Variants in YAP1 observed in about 807,000 individuals in gnomAD.
The protein encoded by YAP1 is Yes1 associated transcriptional regulator.
In YAP1, 5 loss-of-function variants were observed where a neutral mutation model predicts 56.9. The ratio of observed to expected loss-of-function variants is 0.09; its 90% CI spans 0.05 to 0.18. The LOEUF (loss-of-function observed/expected upper bound fraction) is 0.18. Ranked by LOEUF, YAP1 falls within the 10% of genes least tolerant of loss-of-function variation. The probability of loss-of-function intolerance (pLI) is 1.00; values close to 1 mark genes in which losing one functional copy is unlikely to be tolerated. For synonymous variants in YAP1, 265 were observed against 248.1 expected (o/e 1.07, Z -0.64); for missense variants, 539 against 651.8 (o/e 0.83, Z 1.88).
At chr11:102,228,808 G>A (rs1006559756) in intron 8 of YAP1, among the ~76,000 whole-genome samples, 1 of 152,092 alleles carries the variant, frequency 6.6e-6, no homozygotes, top group Non-Finnish European at 1.5e-5. Flanking sequence ...AAATGAAGCT[G>A]TTCTTTAGCT....
intron 2 of YAP1, among the ~76,000 whole-genome samples, chr11:102,124,056 A>C (rs1024527504): frequency 6.6e-6 from 1 of 151,492 alleles, no homozygotes; most frequent in South Asian, 2.1e-4. Context: ...GGTTCAAGCG[A>C]TTCTCCTGCC....
At chr11:102,164,101 G>C (rs1946455366) in intron 3 of YAP1, among the ~76,000 whole-genome samples, 1 of 150,684 alleles carries the variant, frequency 6.6e-6, no homozygotes, top group Non-Finnish European at 1.5e-5. Context: ...GCAATGGCAT[G>C]GTCTCAGCTC....
intron 3 of YAP1, among the ~76,000 whole-genome samples, chr11:102,168,580 G>T (rs1183385128): frequency 6.6e-6 from 1 of 152,180 alleles, no homozygotes; most frequent in Non-Finnish European, 1.5e-5. Context: ...ATGAAAAACT[G>T]TGAGGATTTC....
intron 4 of YAP1, among the ~76,000 whole-genome samples, chr11:102,194,739 G>T (rs1483335280): frequency 3.3e-5 from 5 of 152,040 alleles, no homozygotes; most frequent in African/African-American, 9.7e-5. Flanking sequence ...ACCAGTTTTT[G>T]TGTTTTTCAG....
intron 3 of YAP1, among the ~76,000 whole-genome samples, chr11:102,176,999 A>G (rs934608166): frequency 2.6e-5 from 4 of 152,252 alleles, no homozygotes; most frequent in African/African-American, 9.6e-5. Flanking sequence ...AAGAAACTAT[A>G]TGTAGACAAG....
rs1319669560 is a variant in YAP1, at chr11:102,110,855, C to T, written c.7C>T (p.Pro3Ser). MD[P>S]GQQPPPQPAP... ...GTCGGGGGAGGCAGAAGCCATGGAT[C>T]CCGGGCAGCAGCCGCCGCCTCAACC... Residue 3 changes from proline (P) to serine (S), a missense_variant, in exon 1 of 9, where the codon CCC (proline) becomes TCC (serine). Transcript: ENST00000282441. The T allele has an allele frequency of 1.4e-6, 2 of 1,410,510 alleles. No individual in the cohort carries two copies. The highest frequency in any genetic ancestry group is 1.8e-6 in the Non-Finnish European group (2 of 1,081,598). The allele number at this position is 1,410,510 out of a possible 1,614,324, so 87.4% of individuals were successfully genotyped here.
intron 2 of YAP1, among the ~76,000 whole-genome samples, chr11:102,126,521 G>A (rs564182586): frequency 4.6e-5 from 7 of 152,222 alleles, no homozygotes; most frequent in African/African-American, 9.6e-5. Context: ...TCTTGCCCCC[G>A]CCATGTAAGA....
chr11:102,215,330 A>C (rs912231985), intron 6 of YAP1, among the ~76,000 whole-genome samples: 3 of 151,984 alleles, frequency 2.0e-5, no homozygotes, highest in Non-Finnish European at 4.4e-5. Context: ...ATTGATTACC[A>C]CCCTCCCTGC....
intron 4 of YAP1, chr11:102,186,432 T>G: frequency 3.2e-6 from 1 of 311,384 alleles, no homozygotes; most frequent in Non-Finnish European, 6.0e-6. Flanking sequence ...GTTTTTAAAA[T>G]GTTTTTTTTT....
chr11:102,177,563 G>A (rs575089108), intron 3 of YAP1, among the ~76,000 whole-genome samples: 1 of 151,990 alleles, frequency 6.6e-6, no homozygotes, highest in South Asian at 2.1e-4. Flanking sequence ...TGTAATCCCA[G>A]CTACTCAGGA....
At chr11:102,144,501 C>T (rs57102842) in intron 2 of YAP1, among the ~76,000 whole-genome samples, 1 of 152,106 alleles carries the variant, frequency 6.6e-6, no homozygotes, top group African/African-American at 2.4e-5. Flanking sequence ...GAATAAGCTT[C>T]TGCTTTCAGG....
intron 7 of YAP1, among the ~76,000 whole-genome samples, chr11:102,226,506 C>A (rs148811084): frequency 6.6e-6 from 1 of 152,204 alleles, no homozygotes; most frequent in Non-Finnish European, 1.5e-5. Context: ...CACACTCACA[C>A]AGACCATTGA....
intron 6 of YAP1, among the ~76,000 whole-genome samples, chr11:102,223,253 C>CAAAAA (rs1013718662): frequency 3.8e-5 from 2 of 52,400 alleles, no homozygotes; most frequent in African/African-American, 1.3e-4. Flanking sequence ...TCTTGAAGAA[C>CAAAAA]AAAAAAAAAA....
chr11:102,125,749 G>A (rs957230500), intron 2 of YAP1, among the ~76,000 whole-genome samples: 1 of 151,896 alleles, frequency 6.6e-6, no homozygotes, highest in African/African-American at 2.4e-5. Context: ...ATAACATGCT[G>A]TTCTTATTTT....
chr11:102,230,904 G>T lies in YAP1; in HGVS notation c.*964G>T, dbSNP rs1319328642. The T allele has an allele frequency of 1.3e-5, 2 of 152,034 alleles. No individual in the cohort carries two copies. The highest frequency in any genetic ancestry group is 2.9e-5 in the Non-Finnish European group (2 of 67,994). The allele number at this position is 152,034 out of a possible 1,614,324, so 9.4% of individuals were successfully genotyped here. On this transcript the variant is annotated 3_prime_UTR_variant, in exon 9 of 9. Transcript: ENST00000282441. ...CCAAACATAACATTTATAATAGTGT[G>T]GTAGTGGAATGTATCCTTTTTTAGG... is the stretch of plus-strand genomic sequence containing the variant.
At chr11:102,181,824 TTTG>T (rs1227816159) in intron 3 of YAP1, among the ~76,000 whole-genome samples, 1 of 152,180 alleles carries the variant, frequency 6.6e-6, no homozygotes, top group Non-Finnish European at 1.5e-5. Flanking sequence ...TTTGTTTGTT[TTTG>T]TTGTTGTTTT....
At chr11:102,146,553 G>A (rs1027586624) in intron 2 of YAP1, among the ~76,000 whole-genome samples, 3 of 152,154 alleles carry the variant, frequency 2.0e-5, no homozygotes, top group Non-Finnish European at 1.5e-5. Flanking sequence ...TAACTCAAAT[G>A]TGTCACCATC....
At chr11:102,202,438 C>T (rs1309801458) in intron 4 of YAP1, among the ~76,000 whole-genome samples, 6 of 151,332 alleles carry the variant, frequency 4.0e-5, no homozygotes, top group Admixed American at 3.9e-4. Flanking sequence ...CTCGGCCTCC[C>T]CAAGTGCTGG....
At position 102,176,473 on chromosome 11, in the gene YAP1, C is replaced by T. The variant is rs190163259; in HGVS notation, c.689-9545C>T. On this transcript the variant is annotated intron_variant, in intron 3 of 8. Transcript: ENST00000282441. ...AAGAATAGAGTAGAATTGGGTCAGG[C>T]ACGGTGGCTCACGCCTGTAATCCCA... Among the ~76,000 whole-genome samples the T allele has an allele frequency of 3.9e-5, 6 of 152,098 alleles. No individual in the cohort carries two copies. In the East Asian group the frequency reaches 1.2e-3, roughly 29 times the overall value.
Sources: gnomAD v4.1 joint callset for allele counts (sites outside exome capture counted in the v4.1 genomes callset) on GRCh38, gnomAD v4.1.1 for gene constraint, MANE v1.5 for transcripts, NCBI Gene and HGNC (gene_info 2026-07-23, HGNC 2026-07-21) for gene names.